Variants in KLHL13 observed in about 807,000 individuals in gnomAD.
KLHL13 encodes the protein kelch like family member 13, also known as kelch-like protein 13.
In KLHL13, 10 loss-of-function variants were observed where a neutral mutation model predicts 37.1. That is an observed-to-expected ratio of 0.27 (90% CI 0.17 to 0.46). The LOEUF (loss-of-function observed/expected upper bound fraction) is 0.46, where lower values mean the gene tolerates loss of function less well. Ranked by LOEUF, KLHL13 falls within the 20% of genes least tolerant of loss-of-function variation. KLHL13 has a pLI of 1.00. For missense variants in KLHL13, 360 were observed against 509.3 expected (o/e 0.71, Z 2.82); for synonymous variants, 163 against 181.2 (o/e 0.90, Z 0.81).
In KLHL13 at chrX:117,939,953, C is replaced by G. The variant is rs35433466; in HGVS notation, c.240+5481G>C. 7.1e-3 allele frequency among the ~76,000 whole-genome samples: 789 copies of G among 111,443 alleles called. 12 individuals are homozygous for G. The highest frequency in any genetic ancestry group is 0.024 in the African/African-American group (745 of 30,657). On this transcript the variant is annotated intron_variant, in intron 2 of 6. Coordinates refer to ENST00000262820, the Ensembl canonical transcript of KLHL13. ...AGAAGCTCTTTAGTTTAATTAGATC[C>G]CATTTGTCAGTTCTGGCTTTTGTTG...
At chrX:117,978,305 A>G (rs186708877), upstream of KLHL13, among the ~76,000 whole-genome samples, 356 of 112,359 alleles carry the variant, frequency 3.2e-3, 2 homozygotes, top group African/African-American at 9.9e-3. Context: ...CCATGATGGC[A>G]TAAGCAATGT....
chrX:118,006,686 A>G (rs1360083860), intron 1 of KLHL13, among the ~76,000 whole-genome samples: 1 of 111,634 alleles, frequency 9.0e-6, no homozygotes, highest in African/African-American at 3.3e-5. Context: ...TTATCTCATT[A>G]ATTTTCAAGA....
intron 1 of KLHL13, among the ~76,000 whole-genome samples, chrX:117,981,000 T>G (rs1173060090): frequency 8.9e-6 from 1 of 111,980 alleles, no homozygotes; most frequent in Admixed American, 9.5e-5. Context: ...TCCAGATCCT[T>G]TTCGTTTTCC....
intron 1 of KLHL13, among the ~76,000 whole-genome samples, chrX:118,092,592 T>C (rs758023577): frequency 3.6e-5 from 4 of 112,100 alleles, no homozygotes; most frequent in African/African-American, 1.3e-4. Flanking sequence ...AGAGGGTATC[T>C]TGGAACATCA....
chrX:117,965,160 C>G (rs775175314), intron 1 of KLHL13, among the ~76,000 whole-genome samples: 70 of 111,671 alleles, frequency 6.3e-4, no homozygotes, highest in African/African-American at 2.1e-3. Flanking sequence ...GAGGAATGGC[C>G]ACACTGACTT....
intron 1 of KLHL13, among the ~76,000 whole-genome samples, chrX:117,953,486 T>C (rs1933745248): frequency 9.0e-6 from 1 of 110,949 alleles, no homozygotes; most frequent in South Asian, 3.8e-4. Flanking sequence ...TGCACCAGCA[T>C]GGCACATGTA....
At chrX:118,111,256 C>T (rs146290561) in intron 1 of KLHL13, among the ~76,000 whole-genome samples, 1 of 112,195 alleles carries the variant, frequency 8.9e-6, no homozygotes, top group Non-Finnish European at 1.9e-5. Context: ...ATGTAATACA[C>T]CATTAGGGTC....
At chrX:118,048,722 G>A (rs952790032) in intron 1 of KLHL13, among the ~76,000 whole-genome samples, 1 of 111,312 alleles carries the variant, frequency 9.0e-6, no homozygotes, top group Non-Finnish European at 1.9e-5. Flanking sequence ...AAACCAGACA[G>A]AACAAAAATA....
intron 1 of KLHL13, among the ~76,000 whole-genome samples, chrX:117,991,846 A>AGCCTCTCT (rs2053793569): frequency 1.6e-5 from 1 of 63,511 alleles, no homozygotes. Context: ...CTACAGTGAA[A>AGCCTCTCT]CTCTCTCTCT....
At chrX:118,045,631 C>T (rs1409028416) in intron 1 of KLHL13, among the ~76,000 whole-genome samples, 1 of 109,638 alleles carries the variant, frequency 9.1e-6, no homozygotes, top group Non-Finnish European at 1.9e-5. Flanking sequence ...GATGAAAATC[C>T]ATGTCTACTA....
At chrX:117,963,558 T>A (rs1476837593) in intron 1 of KLHL13, among the ~76,000 whole-genome samples, 1 of 107,163 alleles carries the variant, frequency 9.3e-6, no homozygotes, top group Non-Finnish European at 1.9e-5. Flanking sequence ...AGCAGCATGA[T>A]TTATAGTCCT....
At chrX:117,963,863 TA>T (rs1423064688) in intron 1 of KLHL13, among the ~76,000 whole-genome samples, 1 of 105,488 alleles carries the variant, frequency 9.5e-6, no homozygotes, top group Non-Finnish European at 1.9e-5. Context: ...TATGCAGCCA[TA>T]AAAAATGATG....
At chrX:117,910,341 T>G (rs911693469) in intron 4 of KLHL13, among the ~76,000 whole-genome samples, 1 of 111,493 alleles carries the variant, frequency 9.0e-6, no homozygotes, top group Non-Finnish European at 1.9e-5. Context: ...GAAGCTACTC[T>G]AAGAAACAAT....
At chrX:118,116,043 G>C (rs1012596540) in intron 1 of KLHL13, among the ~76,000 whole-genome samples, 2 of 112,259 alleles carry the variant, frequency 1.8e-5, no homozygotes, top group Non-Finnish European at 3.8e-5. Flanking sequence ...GTGTGCTCCT[G>C]ACTTGGGAGC....
chrX:117,973,771 A>T, upstream of KLHL13: 8 of 752,051 alleles, frequency 1.1e-5, no homozygotes, highest in Non-Finnish European at 1.3e-5. Context: ...TCAACAATCT[A>T]ATTCAATACT....
chrX:117,963,387 C>A (rs1436869123), intron 1 of KLHL13, among the ~76,000 whole-genome samples: 3 of 111,798 alleles, frequency 2.7e-5, no homozygotes, highest in African/African-American at 6.5e-5. Context: ...TGCTATAAAG[C>A]ACACAAACAG....
rs1405849921 is a variant in KLHL13 at position 117,966,690 on chromosome X, T to C, written c.98+6041A>G. On this transcript the variant is annotated intron_variant, in intron 1 of 6. Coordinates refer to ENST00000262820, the Ensembl canonical transcript of KLHL13. ...CAAGGCTACAGTAACCAAAACAGCA[T>C]GGTACTGGTACCAAAACAGAGATAT... is the stretch of plus-strand genomic sequence containing the variant. 5.1e-4 allele frequency among the ~76,000 whole-genome samples: 57 copies of C among 111,132 alleles called. 1 individual carries two copies. The highest frequency in any genetic ancestry group is 1.8e-3 in the African/African-American group (56 of 30,558).
chrX:118,006,766 T>C (rs916412207), intron 1 of KLHL13, among the ~76,000 whole-genome samples: 5 of 111,421 alleles, frequency 4.5e-5, no homozygotes, highest in African/African-American at 1.3e-4. Context: ...CACTGTTAAG[T>C]TGGCAGAGTC....
At chrX:118,032,993 G>A (rs1307124067) in intron 1 of KLHL13, among the ~76,000 whole-genome samples, 15 of 111,352 alleles carry the variant, frequency 1.3e-4, no homozygotes, top group Non-Finnish European at 2.6e-4. Context: ...GGGTATCAGC[G>A]ACGGAAGATG....
Sources: gnomAD v4.1 joint callset for allele counts (sites outside exome capture counted in the v4.1 genomes callset) on GRCh38, gnomAD v4.1.1 for gene constraint, MANE v1.5 for transcripts, NCBI Gene and HGNC (gene_info 2026-07-23, HGNC 2026-07-21) for gene names.